The following PRDM11 variants were observed in gnomAD, a reference collection of about 807,000 sequenced individuals.
PRDM11 encodes PR/SET domain 11, also known as PR domain-containing protein 11.
In PRDM11, 20 loss-of-function variants were observed where a neutral mutation model predicts 97.8. The ratio of observed to expected loss-of-function variants is 0.20; its 90% CI spans 0.14 to 0.30. PRDM11 has a LOEUF of 0.30. Ranked by LOEUF, PRDM11 falls within the 10% of genes least tolerant of loss-of-function variation. The pLI is 1.00. For missense variants in PRDM11, 1,139 were observed against 1,555.2 expected (o/e 0.73, Z 4.50); for synonymous variants, 599 against 637.7 (o/e 0.94, Z 0.91).
chr11:45,178,046 G>T (rs542863581), intron 1 of PRDM11, among the ~76,000 whole-genome samples: 10 of 152,106 alleles, frequency 6.6e-5, no homozygotes, highest in East Asian at 5.8e-4. Context: ...TTGCCCACAG[G>T]GGGTGGTTTG....
At chr11:45,221,196 C>T (rs1854111361) in intron 6 of PRDM11, among the ~76,000 whole-genome samples, 1 of 152,122 alleles carries the variant, frequency 6.6e-6, no homozygotes, top group Non-Finnish European at 1.5e-5. Context: ...AGATGATGGG[C>T]AGTAAAAGGA....
chr11:45,137,533 T>C (rs1359367282), intron 1 of PRDM11, among the ~76,000 whole-genome samples: 1 of 152,156 alleles, frequency 6.6e-6, no homozygotes, highest in Non-Finnish European at 1.5e-5. Context: ...GGAGAATTGC[T>C]TGAGCCCAAG....
At chr11:45,120,638 A>C (rs79719781) in intron 1 of PRDM11, among the ~76,000 whole-genome samples, 1 of 151,960 alleles carries the variant, frequency 6.6e-6, no homozygotes. Flanking sequence ...TAAAAAAAAA[A>C]CCACATACAG....
At chr11:45,120,984 G>A (rs959299556) in intron 1 of PRDM11, among the ~76,000 whole-genome samples, 5 of 152,080 alleles carry the variant, frequency 3.3e-5, no homozygotes, top group Non-Finnish European at 7.4e-5. Context: ...AAGGTAGACT[G>A]TAATAATTCA....
chr11:45,163,028 C>T (rs139447981), intron 1 of PRDM11, among the ~76,000 whole-genome samples: 1,547 of 152,252 alleles, frequency 0.01, 23 homozygotes, highest in Non-Finnish European at 9.9e-3. Context: ...TCTGGGGAGA[C>T]GGTGCCTGAA....
At position 45,228,263 on chromosome 11, in the gene PRDM11, TATTA is replaced by T. The variant is rs1854326720; in HGVS notation, c.*105_*108del. 20 of 191,316 alleles carry T rather than the reference TATTA, an allele frequency of 1.0e-4. No homozygotes were observed. The highest frequency in any genetic ancestry group is 2.3e-3 in the Middle Eastern group (1 of 436). 11.9% of individuals were successfully genotyped at this position (191,316 alleles called of 1,614,324 possible). On this transcript the variant is annotated 3_prime_UTR_variant, in exon 8 of 8. Transcript: ENST00000683152. ...ATATATATTATATTATATTATATTA[TATTA>T]TATATATATATATATATAAACTCAC...
At chr11:45,124,174 G>C (rs1453133574) in intron 1 of PRDM11, among the ~76,000 whole-genome samples, 1 of 151,108 alleles carries the variant, frequency 6.6e-6, no homozygotes, top group African/African-American at 2.4e-5. Context: ...AAGAATGCTT[G>C]TGATTTTTGT....
chr11:45,185,581 T>A (rs1852674611), intron 4 of PRDM11, among the ~76,000 whole-genome samples: 1 of 152,044 alleles, frequency 6.6e-6, no homozygotes, highest in Non-Finnish European at 1.5e-5. Context: ...AGTGCTTGAG[T>A]GTAGAGTAGA....
chr11:45,133,947 C>A (rs1852774277), intron 1 of PRDM11, among the ~76,000 whole-genome samples: 2 of 152,204 alleles, frequency 1.3e-5, no homozygotes, highest in African/African-American at 4.8e-5. Context: ...CAATCTGCTT[C>A]CTGGCACAGG....
chr11:45,219,519 A>G lies in PRDM11; in HGVS notation c.555-51A>G. ...CAGCACTGTGCCGGCACCAGCGGGC[A>G]CTCAACAAAGGGTGGCCCGTGCGTT... On this transcript the variant is annotated intron_variant, in intron 5 of 7. Coordinates refer to ENST00000683152, the MANE Select transcript of PRDM11 (RefSeq NM_001384648.1). This position sits in a 1 kb window ranked among gnomAD's most constrained non-coding sequence, Gnocchi z 4.2. The G allele has an allele frequency of 6.6e-7, 1 of 1,523,260 alleles. No individual in the cohort carries two copies. The highest frequency in any genetic ancestry group is 9.0e-7 in the Non-Finnish European group (1 of 1,111,396). 94.4% of individuals were successfully genotyped at this position (1,523,260 alleles called of 1,614,324 possible).
chr11:45,113,781 TACTG>T (rs1852235982), intron 1 of PRDM11, among the ~76,000 whole-genome samples: 1 of 144,760 alleles, frequency 6.9e-6, no homozygotes, highest in Non-Finnish European at 1.5e-5. Flanking sequence ...ATAAGAGTGC[TACTG>T]ATTTGTGTGT....
intron 4 of PRDM11, among the ~76,000 whole-genome samples, chr11:45,184,535 A>G (rs1444437936): frequency 6.6e-6 from 1 of 152,190 alleles, no homozygotes; most frequent in Non-Finnish European, 1.5e-5. Context: ...GAACTGTATC[A>G]GAGAGGAGAG....
intron 1 of PRDM11, among the ~76,000 whole-genome samples, chr11:45,118,023 A>T (rs749992630): frequency 1.1e-4 from 16 of 152,352 alleles, no homozygotes; most frequent in Admixed American, 4.6e-4. Flanking sequence ...AACCACAGTC[A>T]TGACATTAAA....
rs564920876 is a variant in PRDM11 at position 45,219,928 on chromosome 11, G to A, written c.742+171G>A. Among the ~76,000 whole-genome samples, 2 of 152,140 alleles carry A rather than the reference G, an allele frequency of 1.3e-5. No homozygotes were observed. Among genetic ancestry groups the A allele is most frequent in the East Asian group, 1.9e-4 (1 of 5,180 alleles). On this transcript the variant is annotated intron_variant, in intron 6 of 7. Transcript: ENST00000683152. The surrounding 1 kb of genome is among the most constrained non-coding windows in gnomAD (Gnocchi z 4.2). ...AGCAGCAGCTCTGGGCCAAGCAGGG[G>A]CCACCCCAGCATGTTATCGACCCCT...
At chr11:45,122,589 T>C (rs1852462819) in intron 1 of PRDM11, among the ~76,000 whole-genome samples, 2 of 150,116 alleles carry the variant, frequency 1.3e-5, no homozygotes, top group Non-Finnish European at 1.5e-5. Flanking sequence ...GAACATGCAG[T>C]GTTTGGTTTT....
Position 45,226,647 on chromosome 11 carries a change from G to A in PRDM11, c.2022G>A (p.Val674=), listed in dbSNP as rs1298138282. Residue 674 remains valine, a synonymous_variant, in exon 8 of 8, where the codon GTG becomes GTA. Transcript: ENST00000683152. Reference sequence around the variant, plus strand: ...GCGACGACCTGCTGGCCGACACGGTGGCTGTCTATGTTCAGTACACCAGCA... The same window carrying A: ...GCGACGACCTGCTGGCCGACACGGTAGCTGTCTATGTTCAGTACACCAGCA... ...GQSDDLLADT[V]AVYVQYTSSD... The A allele has an allele frequency of 5.2e-6, 8 of 1,533,844 alleles. No homozygotes were observed. Among genetic ancestry groups the A allele is most frequent in the Non-Finnish European group, 7.0e-6 (8 of 1,146,746 alleles).
At chr11:45,189,948 A>G (rs561638479) in intron 4 of PRDM11, among the ~76,000 whole-genome samples, 1 of 152,300 alleles carries the variant, frequency 6.6e-6, no homozygotes, top group East Asian at 1.9e-4. Flanking sequence ...ATGCACGAGC[A>G]GGTGCTTTTC....
chr11:45,219,648 G>A lies in PRDM11; in HGVS notation c.633G>A (p.Ala211=), dbSNP rs150100073. Residue 211 remains alanine (A), a synonymous_variant, in exon 6 of 8, where the codon GCG becomes GCA. Coordinates refer to ENST00000683152, the MANE Select transcript of PRDM11 (RefSeq NM_001384648.1). This position sits in a 1 kb window ranked among gnomAD's most constrained non-coding sequence, Gnocchi z 4.2. The part of the protein sequence containing the change: ...FQHSERIYFR[A]CRDIRPGEWL... Reference sequence around the variant, plus strand: ...ACAGTGAGCGCATCTACTTCCGGGCGTGCAGGGACATCCGGCCTGGGGAGT... The same window carrying A: ...ACAGTGAGCGCATCTACTTCCGGGCATGCAGGGACATCCGGCCTGGGGAGT... 16 of 1,614,012 alleles carry A rather than the reference G, an allele frequency of 9.9e-6. No homozygotes were observed. Among genetic ancestry groups the A allele is most frequent in the East Asian group, 4.5e-5 (2 of 44,880 alleles).
Position 45,182,152 on chromosome 11 carries a change from C to T in PRDM11, c.120-94C>T, listed in dbSNP as rs983834358. On this transcript the variant is annotated intron_variant, in intron 2 of 7. Coordinates refer to ENST00000683152, the MANE Select transcript of PRDM11 (RefSeq NM_001384648.1). ...CTCCTCTGCCCACCCCACATCTTCT[C>T]GGTCTCCTGGCCAGGTCCCCAGCTT... The T allele has an allele frequency of 3.6e-5, 39 of 1,094,962 alleles. No homozygotes were observed. In the East Asian group the frequency reaches 6.3e-4, roughly 18 times the overall value. 67.8% of individuals were successfully genotyped at this position (1,094,962 alleles called of 1,614,324 possible).
Sources: gnomAD v4.1 joint callset for allele counts (sites outside exome capture counted in the v4.1 genomes callset) on GRCh38, gnomAD v4.1.1 for gene constraint, Gnocchi (gnomAD v3.1) non-coding constraint, MANE v1.5 for transcripts, NCBI Gene and HGNC (gene_info 2026-07-23, HGNC 2026-07-21) for gene names.